Variants in DNM1 observed in about 807,000 individuals in gnomAD.
The protein encoded by DNM1 is dynamin-1.
In DNM1, 29 loss-of-function variants were observed where a neutral mutation model predicts 104.6. That is an observed-to-expected ratio of 0.28 (90% confidence interval 0.21 to 0.38). The LOEUF is 0.38. Ranked by LOEUF, DNM1 falls within the 10% of genes least tolerant of loss-of-function variation. The pLI, the probability that DNM1 is intolerant of heterozygous loss-of-function variation, is 1.00. For synonymous variants in DNM1, 445 were observed against 475.8 expected, an observed-to-expected ratio of 0.94 and a Z score of 0.84; for missense variants, 640 against 1,189.4, an observed-to-expected ratio of 0.54 and a Z score of 6.79.
chr9:128,231,732 G>A (rs1835705753), intron 10 of DNM1, among the ~76,000 whole-genome samples: 1 of 152,152 alleles, frequency 6.6e-6, no homozygotes, highest in Admixed American at 6.5e-5. Context: ...TTAATGTTGG[G>A]CATGGGATGT....
chr9:128,230,230 GAAAATTA>G (rs1835595931), intron 10 of DNM1, among the ~76,000 whole-genome samples: 2 of 132,780 alleles, frequency 1.5e-5, no homozygotes, highest in Non-Finnish European at 3.3e-5. Context: ...AAAAAAAAAA[GAAAATTA>G]AAAATTAAAA....
At position 128,218,523 on chromosome 9, in the gene DNM1, C is replaced by A. The variant is rs907983956; in HGVS notation, c.236-59C>A. ...TATTACCGGTGGGAGATGAAAACCC[C>A]CAGGTGGGGTTCCAGACCTTGATGC... On this transcript the variant is annotated intron_variant, in intron 2 of 21. Coordinates refer to ENST00000372923, the MANE Select transcript of DNM1 (RefSeq NM_004408.4). The surrounding 1 kb of genome is among the most constrained non-coding windows in gnomAD (Gnocchi z 4.8). The A allele has an allele frequency of 1.0e-4, 162 of 1,570,380 alleles. No homozygotes were observed. Among genetic ancestry groups the A allele is most frequent in the African/African-American group, 1.4e-4 (10 of 73,786 alleles).
Position 128,250,903 on chromosome 9 carries a change from C to T in DNM1, c.2497C>T (p.Pro833Ser). ...CCCTTTCGGCCCTCCCCCTCAGGTGCCCTCGCGCCCCAACCGCGCCCCGCC... is the reference window on the plus strand; with the variant it reads ...CCCTTTCGGCCCTCCCCCTCAGGTGTCCTCGCGCCCCAACCGCGCCCCGCC... ...PDPFGPPPQV[P>S]SRPNRAPPGV... The change falls in exon 21 of 22, where the codon CCC (proline) becomes TCC (serine). Residue 833 changes from proline (P) to serine (S), a missense_variant. Pro to Ser is a moderately conservative substitution (Grantham distance 74). Around this residue, in one of 7 missense-constraint regions of DNM1, gnomAD observed 129 missense variants for 224.6 expected, o/e 0.57. Coordinates refer to ENST00000372923, the MANE Select transcript of DNM1 (RefSeq NM_004408.4). 1 of 1,369,676 alleles carries T rather than the reference C, an allele frequency of 7.3e-7. No homozygotes were observed. The highest frequency in any genetic ancestry group is 9.4e-7 in the Non-Finnish European group (1 of 1,063,708). 84.8% of individuals were successfully genotyped at this position (1,369,676 alleles called of 1,614,324 possible). A position where few individuals can be genotyped will look rare whatever the true frequency, so the allele number is the denominator to read the frequency against.
chr9:128,239,843 G>A, intron 13 of DNM1, 64 bp downstream of exon 13: 1 of 1,579,544 alleles, frequency 6.3e-7, no homozygotes, highest in East Asian at 2.2e-5. Context: ...CAGACTCTGA[G>A]AGCCCCCTCC....
chr9:128,211,774 CT>C (rs996127047), intron 1 of DNM1, among the ~76,000 whole-genome samples: 12 of 152,198 alleles, frequency 7.9e-5, no homozygotes, highest in African/African-American at 2.7e-4. Context: ...TGATGACCCT[CT>C]CCTGCCATGA....
chr9:128,231,966 G>A, intron 10 of DNM1: 2 of 456,338 alleles, frequency 4.4e-6, no homozygotes, highest in South Asian at 3.1e-5. Context: ...GGCTGAGAGG[G>A]GAACGTTCCT....
rs7874719 is a variant in DNM1 at position 128,248,860 on chromosome 9, G to A, written c.2076+107G>A. ...AACCAGCCCTATGGGACCAGGTCCA[G>A]GGAGGGAGGCACGGTCCAGACCAGA... is the stretch of plus-strand genomic sequence containing the variant. On this transcript the variant is annotated intron_variant, in intron 19 of 21. Transcript: ENST00000372923. The surrounding 1 kb of genome is among the most constrained non-coding windows in gnomAD (Gnocchi z 5.6). The A allele has an allele frequency of 7.8e-4, 997 of 1,277,758 alleles. 6 individuals carry two copies. In the African/African-American group the frequency reaches 0.013, roughly 16 times the overall value. 79.2% of individuals were successfully genotyped at this position (1,277,758 alleles called of 1,614,324 possible).
In DNM1 at chr9:128,254,574, G is replaced by GCCGGCC; in HGVS notation, c.2535-77_2535-76insGCCCCG. On this transcript the variant is annotated intron_variant, in intron 21 of 21. Coordinates refer to ENST00000372923, the MANE Select transcript of DNM1 (RefSeq NM_004408.4). The surrounding 1 kb of genome is among the most constrained non-coding windows in gnomAD (Gnocchi z 6.1). ...CACTGCTGCGGCGCGGCCGGCCCCG[G>GCCGGCC]CCGTGTGCTGCGCTTGCCTTACCAG... is the stretch of plus-strand genomic sequence containing the variant. The GCCGGCC allele has an allele frequency of 6.3e-7, 1 of 1,588,444 alleles. No homozygotes were observed. The highest frequency in any genetic ancestry group is 1.1e-5 in the South Asian group (1 of 90,784).
At chr9:128,246,732 C>G (rs1055499360) in intron 16 of DNM1, among the ~76,000 whole-genome samples, 4 of 150,438 alleles carry the variant, frequency 2.7e-5, no homozygotes, top group African/African-American at 7.3e-5. Flanking sequence ...TCCTTCCTCC[C>G]TTCCTTCCTT....
chr9:128,247,341 C>T lies in DNM1; in HGVS notation c.1782-34C>T. 1 of 1,511,074 alleles carries T rather than the reference C, an allele frequency of 6.6e-7. No individual in the cohort carries two copies. The highest frequency in any genetic ancestry group is 1.2e-5 in the South Asian group (1 of 86,540). The allele number at this position is 1,511,074 out of a possible 1,614,324, so 93.6% of individuals were successfully genotyped here. A position where few individuals can be genotyped will look rare whatever the true frequency, so the allele number is the denominator to read the frequency against. On this transcript the variant is annotated intron_variant, in intron 16 of 21. Transcript: ENST00000372923. The surrounding 1 kb of genome is among the most constrained non-coding windows in gnomAD (Gnocchi z 5.1). ...AACCCCCAGGGAGGGTCAGACTTTGCCCATCTGCCCTCACTGCCTGCCCTA... is the reference window on the plus strand; with the variant it reads ...AACCCCCAGGGAGGGTCAGACTTTGTCCATCTGCCCTCACTGCCTGCCCTA...
rs1833603957 is a variant in DNM1, at chr9:128,203,401, G to C, written c.-70G>C. Reference sequence around the variant, plus strand: ...GGCAGTCTGGGCGCGCGGCTGCAGCGGCGGAGCCGGAGTCGGAGCCGGGAG... The same window carrying C: ...GGCAGTCTGGGCGCGCGGCTGCAGCCGCGGAGCCGGAGTCGGAGCCGGGAG... On this transcript the variant is annotated 5_prime_UTR_variant, in exon 1 of 22. Transcript: ENST00000372923. This position sits in a 1 kb window ranked among gnomAD's most constrained non-coding sequence, Gnocchi z 5.3. 5 of 1,326,834 alleles carry C rather than the reference G, an allele frequency of 3.8e-6. No homozygotes were observed. Among genetic ancestry groups the C allele is most frequent in the East Asian group, 3.3e-5 (1 of 30,426 alleles). The allele number at this position is 1,326,834 out of a possible 1,614,324, so 82.2% of individuals were successfully genotyped here. A position where few individuals can be genotyped will look rare whatever the true frequency, so the allele number is the denominator to read the frequency against.
At chr9:128,209,221 A>C (rs1337821256) in intron 1 of DNM1, among the ~76,000 whole-genome samples, 2 of 152,168 alleles carry the variant, frequency 1.3e-5, no homozygotes, top group Non-Finnish European at 2.9e-5. Context: ...AAATGCACCC[A>C]TCCACAGCCA....
At chr9:128,251,241 C>A (rs1219472962) in intron 21 of DNM1, 4 of 586,082 alleles carry the variant, frequency 6.8e-6, no homozygotes, top group Non-Finnish European at 1.3e-5. Flanking sequence ...CTCTTGGCGG[C>A]CGCCCACACG....
chr9:128,239,705 A>T, intron 12 of DNM1, 23 bp from the exon 13 acceptor site: 9 of 1,606,282 alleles, frequency 5.6e-6, no homozygotes, highest in Non-Finnish European at 5.1e-6. Flanking sequence ...AAGTTCTGAG[A>T]CTCCTCCCCT....
rs139444154 is a variant in DNM1 at position 128,235,277 on chromosome 9, C to T, written c.1422+1170C>T. 2.3e-3 allele frequency among the ~76,000 whole-genome samples: 355 copies of T among 151,950 alleles called. 1 individual carries two copies. Among genetic ancestry groups the T allele is most frequent in the Middle Eastern group, 6.8e-3 (2 of 294 alleles). The stretch of plus-strand genomic sequence containing the variant: ...TTGGGAGGCCAAGGTGGGCGGATCA[C>T]GAGGTCAGGAGTTTGAGACCAGCCT... On this transcript the variant is annotated intron_variant, in intron 11 of 21. Transcript: ENST00000372923.
At chr9:128,228,129 C>T (rs942496897) in intron 10 of DNM1, among the ~76,000 whole-genome samples, 1 of 152,120 alleles carries the variant, frequency 6.6e-6, no homozygotes, top group African/African-American at 2.4e-5. Context: ...GCAACCTCCA[C>T]CTCTCAGGTT....
chr9:128,254,418 G>T lies in DNM1; in HGVS notation c.2535-236G>T. On this transcript the variant is annotated intron_variant, in intron 21 of 21. Coordinates refer to ENST00000372923, the MANE Select transcript of DNM1 (RefSeq NM_004408.4). This position sits in a 1 kb window ranked among gnomAD's most constrained non-coding sequence, Gnocchi z 6.1. ...CAGCGTGTGTGGGGTGGGGAGGGCC[G>T]CCACAGCCCCCAGGCGCTATCTGTG... 1 of 1,429,074 alleles carries T rather than the reference G, an allele frequency of 7.0e-7. No homozygotes were observed. The highest frequency in any genetic ancestry group is 9.1e-7 in the Non-Finnish European group (1 of 1,098,640). The allele number at this position is 1,429,074 out of a possible 1,614,324, so 88.5% of individuals were successfully genotyped here. A position where few individuals can be genotyped will look rare whatever the true frequency, so the allele number is the denominator to read the frequency against.
chr9:128,252,473 G>A (rs1434692661), intron 21 of DNM1: 20 of 399,076 alleles, frequency 5.0e-5, no homozygotes, highest in Admixed American at 1.2e-4. Flanking sequence ...AATCAGGAGG[G>A]TATCTGGGCC....
rs908136013 is a variant in DNM1 at position 128,254,178 on chromosome 9, G to A, written c.2535-476G>A. On this transcript the variant is annotated intron_variant, in intron 21 of 21. Coordinates refer to ENST00000372923, the MANE Select transcript of DNM1 (RefSeq NM_004408.4). This position sits in a 1 kb window ranked among gnomAD's most constrained non-coding sequence, Gnocchi z 6.1. ...CTGAACACCCAGAGGGGCCTCCGGC[G>A]CTCCCTCCAGCCATCCCTTTTAGTT... is the stretch of plus-strand genomic sequence containing the variant. The A allele has an allele frequency of 2.9e-5, 38 of 1,305,784 alleles. No individual in the cohort carries two copies. The highest frequency in any genetic ancestry group is 3.1e-5 in the East Asian group (1 of 32,210). The allele number at this position is 1,305,784 out of a possible 1,614,324, so 80.9% of individuals were successfully genotyped here.
Sources: gnomAD v4.1 joint callset for allele counts (sites outside exome capture counted in the v4.1 genomes callset) on GRCh38, gnomAD v4.1.1 for gene constraint, gnomAD v4.1.1 regional missense constraint, Gnocchi (gnomAD v3.1) non-coding constraint, MANE v1.5 for transcripts, NCBI Gene and HGNC (gene_info 2026-07-23, HGNC 2026-07-21) for gene names.